The following SPAG16 variants were observed in gnomAD, a reference collection of about 807,000 sequenced individuals.
SPAG16 encodes sperm-associated antigen 16 protein.
A neutral mutation model predicts 80.4 loss-of-function variants in SPAG16; 86 were observed. The observed-to-expected ratio is 1.07, with a 90% CI of 0.90 to 1.28. The LOEUF (loss-of-function observed/expected upper bound fraction) is 1.28. Among genes scored for constraint, SPAG16 ranks in the 50% most tolerant of loss-of-function variants. The pLI is 0.00. For missense variants in SPAG16, 870 were observed against 765.3 expected, an observed-to-expected ratio of 1.14 and a Z score of -1.61; for synonymous variants, 294 against 265.9, an observed-to-expected ratio of 1.11 and a Z score of -1.03.
At chr2:214,109,486 G>C (rs1466830405) in intron 14 of SPAG16, among the ~76,000 whole-genome samples, 1 of 152,108 alleles carries the variant, frequency 6.6e-6, no homozygotes, top group East Asian at 1.9e-4. Context: ...AAAGAAATCT[G>C]ATGGATTACT....
At chr2:213,573,225 C>A (rs2059990781) in intron 10 of SPAG16, among the ~76,000 whole-genome samples, 1 of 151,874 alleles carries the variant, frequency 6.6e-6, no homozygotes, top group South Asian at 2.1e-4. Context: ...GAGCTGTAGA[C>A]CGGAGCTGTT....
At chr2:213,306,144 T>G (rs540853199) in intron 3 of SPAG16, among the ~76,000 whole-genome samples, 1 of 151,926 alleles carries the variant, frequency 6.6e-6, no homozygotes, top group Non-Finnish European at 1.5e-5. Flanking sequence ...CATTGTAGCC[T>G]CCAATGATCC....
chr2:213,338,401 A>G (rs776464234), intron 5 of SPAG16, among the ~76,000 whole-genome samples: 1 of 152,214 alleles, frequency 6.6e-6, no homozygotes, highest in Non-Finnish European at 1.5e-5. Flanking sequence ...AAATGCCCCA[A>G]TTAAAAGATG....
intron 10 of SPAG16, among the ~76,000 whole-genome samples, chr2:213,495,819 C>T (rs2125753583): frequency 6.6e-6 from 1 of 152,240 alleles, no homozygotes; most frequent in South Asian, 2.1e-4. Flanking sequence ...ACAGCAAATG[C>T]AAAGCCCTTG....
intron 15 of SPAG16, among the ~76,000 whole-genome samples, chr2:214,320,293 G>A (rs899544197): frequency 2.0e-5 from 3 of 152,076 alleles, no homozygotes; most frequent in African/African-American, 4.8e-5. Context: ...TAAGCTTTTA[G>A]CTCAGTTACT....
intron 10 of SPAG16, among the ~76,000 whole-genome samples, chr2:213,780,723 C>T (rs2069904210): frequency 6.6e-6 from 1 of 151,916 alleles, no homozygotes; most frequent in African/African-American, 2.4e-5. Context: ...CCTTTGTTTC[C>T]TTCTTATTTT....
Position 214,180,115 on chromosome 2 carries a change from A to G in SPAG16, c.1720+30849A>G, listed in dbSNP as rs974712307. Among the ~76,000 whole-genome samples, 60 of 151,748 alleles carry G rather than the reference A, an allele frequency of 4.0e-4. 1 individual carries two copies. The highest frequency in any genetic ancestry group is 5.8e-4 in the East Asian group (3 of 5,156). ...AACTACTGTTTTACTAAATATGACAATGTATATTTTAAAACCACCAGAAAT... is the reference window on the plus strand; with the variant it reads ...AACTACTGTTTTACTAAATATGACAGTGTATATTTTAAAACCACCAGAAAT... On this transcript the variant is annotated intron_variant, in intron 15 of 15. Coordinates refer to ENST00000331683, the MANE Select transcript of SPAG16 (RefSeq NM_024532.5).
At chr2:213,662,447 C>T (rs965018124) in intron 10 of SPAG16, among the ~76,000 whole-genome samples, 1 of 152,098 alleles carries the variant, frequency 6.6e-6, no homozygotes, top group Non-Finnish European at 1.5e-5. Flanking sequence ...CCTTAGGCCA[C>T]GCCATGTAGT....
intron 10 of SPAG16, among the ~76,000 whole-genome samples, chr2:213,701,426 G>C (rs571430853): frequency 2.6e-5 from 4 of 152,018 alleles, no homozygotes; most frequent in African/African-American, 9.7e-5. Flanking sequence ...CACTCTTGGC[G>C]CCTCCTCGGT....
intron 3 of SPAG16, 69 bp from the exon 4 acceptor site, chr2:213,309,983 GAGTCGAA>G: frequency 1.2e-6 from 1 of 847,772 alleles, no homozygotes; most frequent in Non-Finnish European, 1.8e-6. Context: ...ATGAATGAAT[GAGTCGAA>G]GGCTTATCTA....
At chr2:213,836,959 T>C (rs887527403) in intron 10 of SPAG16, among the ~76,000 whole-genome samples, 1 of 151,974 alleles carries the variant, frequency 6.6e-6, no homozygotes, top group African/African-American at 2.4e-5. Context: ...TCTCTCTCTC[T>C]CTCTCTCATA....
intron 9 of SPAG16, among the ~76,000 whole-genome samples, chr2:213,467,523 T>C (rs986571225): frequency 6.6e-6 from 1 of 152,210 alleles, no homozygotes; most frequent in African/African-American, 2.4e-5. Context: ...GTTAAAGTTT[T>C]TCTTGAGATG....
At chr2:214,152,282 C>A (rs1409332583) in intron 15 of SPAG16, among the ~76,000 whole-genome samples, 2 of 152,088 alleles carry the variant, frequency 1.3e-5, no homozygotes, top group Admixed American at 6.5e-5. Context: ...AGATTATTCA[C>A]AGAGTATCAT....
intron 4 of SPAG16, among the ~76,000 whole-genome samples, chr2:213,312,117 G>A (rs749121041): frequency 4.6e-4 from 70 of 151,572 alleles, no homozygotes; most frequent in Non-Finnish European, 8.4e-4. Context: ...CTTTCACTCT[G>A]TAAAAGCAAA....
intron 14 of SPAG16, among the ~76,000 whole-genome samples, chr2:214,144,857 A>C (rs534639558): frequency 6.6e-6 from 1 of 152,248 alleles, no homozygotes; most frequent in East Asian, 1.9e-4. Context: ...TTGAAGGTTC[A>C]AACTACAATC....
chr2:213,679,489 C>T (rs1033543730), intron 10 of SPAG16, among the ~76,000 whole-genome samples: 12 of 152,106 alleles, frequency 7.9e-5, no homozygotes, highest in Non-Finnish European at 1.5e-4. Context: ...TTTGCCTTAA[C>T]GTCCTTTTTT....
At chr2:213,911,555 G>A (rs894318877) in intron 11 of SPAG16, among the ~76,000 whole-genome samples, 3 of 152,186 alleles carry the variant, frequency 2.0e-5, no homozygotes, top group African/African-American at 7.2e-5. Flanking sequence ...GAAATACTAT[G>A]TGTTGCTAAA....
chr2:213,309,974 T>G, intron 3 of SPAG16, 85 bp from the exon 4 acceptor site: 1 of 792,374 alleles, frequency 1.3e-6, no homozygotes, highest in Non-Finnish European at 2.0e-6. Flanking sequence ...AATGAATGGA[T>G]GAATGAATGA....
intron 14 of SPAG16, among the ~76,000 whole-genome samples, chr2:214,138,494 T>C (rs1182815582): frequency 6.6e-6 from 1 of 152,142 alleles, no homozygotes; most frequent in African/African-American, 2.4e-5. Context: ...ATTTCTCCAA[T>C]GTTTTTATCT....
Sources: gnomAD v4.1 joint callset for allele counts (sites outside exome capture counted in the v4.1 genomes callset) on GRCh38, gnomAD v4.1.1 for gene constraint, MANE v1.5 for transcripts, NCBI Gene and HGNC (gene_info 2026-07-23, HGNC 2026-07-21) for gene names.